The following CSMD1 variants were observed in gnomAD, a reference collection of about 807,000 sequenced individuals.
The protein encoded by CSMD1 is CUB and sushi domain-containing protein 1.
In CSMD1, 213 loss-of-function variants were observed where a neutral mutation model predicts 417.5. That is an observed-to-expected ratio of 0.51 (90% CI 0.46 to 0.57). The LOEUF is 0.57. Among genes scored for constraint, CSMD1 ranks in the 20% least tolerant of loss-of-function variants. The pLI is 0.00. For missense variants in CSMD1, 6,923 were observed against 4,529.7 expected (o/e 1.53, Z -15.17); for synonymous variants, 2,862 against 1,736.8 (o/e 1.65, Z -16.11).
intron 3 of CSMD1, among the ~76,000 whole-genome samples, chr8:4,165,641 G>C (rs776471255): frequency 7.2e-5 from 11 of 152,142 alleles, no homozygotes; most frequent in Non-Finnish European, 1.5e-4. Context: ...TGACACAAGG[G>C]ATCATTGAAC....
At chr8:3,889,492 TAAAATATGCTCATTAGGTCATG>T (rs1563181337) in intron 5 of CSMD1, among the ~76,000 whole-genome samples, 202 of 62,704 alleles carry the variant, frequency 3.2e-3, no homozygotes, top group South Asian at 4.4e-3. Context: ...TATATATATA[TAAAATATGCTCATTAGGTCATG>T]ATATATACAT....
At chr8:4,498,010 C>G (rs1188149852) in intron 2 of CSMD1, among the ~76,000 whole-genome samples, 1 of 152,104 alleles carries the variant, frequency 6.6e-6, no homozygotes, top group Non-Finnish European at 1.5e-5. Context: ...CAGTAAACGT[C>G]CCGCAGCCCC....
At chr8:3,825,152 T>A (rs1801980327) in intron 5 of CSMD1, among the ~76,000 whole-genome samples, 1 of 152,130 alleles carries the variant, frequency 6.6e-6, no homozygotes, top group African/African-American at 2.4e-5. Flanking sequence ...TTTCTCATTC[T>A]CTTTCCCAGA....
chr8:4,567,568 A>G (rs867081725), intron 2 of CSMD1, among the ~76,000 whole-genome samples: 3 of 152,204 alleles, frequency 2.0e-5, no homozygotes, highest in Non-Finnish European at 4.4e-5. Context: ...TGTCTGAATT[A>G]GTCACAAAAT....
At chr8:4,439,058 G>T (rs1018141865) in intron 2 of CSMD1, among the ~76,000 whole-genome samples, 1 of 152,084 alleles carries the variant, frequency 6.6e-6, no homozygotes, top group Non-Finnish European at 1.5e-5. Flanking sequence ...AGCTGATATA[G>T]GTCTTATTGG....
At chr8:4,260,718 C>A (rs1318386422) in intron 3 of CSMD1, among the ~76,000 whole-genome samples, 1 of 152,040 alleles carries the variant, frequency 6.6e-6, no homozygotes, top group East Asian at 1.9e-4. Flanking sequence ...TTATTAATAT[C>A]TTCTTATAAT....
At chr8:3,327,040 A>T (rs1286279567) in intron 23 of CSMD1, among the ~76,000 whole-genome samples, 1 of 152,188 alleles carries the variant, frequency 6.6e-6, no homozygotes, top group Non-Finnish European at 1.5e-5. Context: ...AAGACAAAAA[A>T]TAAAAACAAG....
intron 32 of CSMD1, among the ~76,000 whole-genome samples, chr8:3,200,788 A>C (rs184814142): frequency 1.6e-3 from 238 of 152,208 alleles, no homozygotes; most frequent in Non-Finnish European, 2.1e-3. Flanking sequence ...AGGTCTTAAG[A>C]CTTTTAGTTA....
At chr8:3,681,216 G>A (rs1293395647) in intron 7 of CSMD1, among the ~76,000 whole-genome samples, 2 of 152,096 alleles carry the variant, frequency 1.3e-5, no homozygotes. Flanking sequence ...AGGAAATAAA[G>A]GATATTCAAT....
chr8:4,857,421 C>G (rs926258479), intron 1 of CSMD1, among the ~76,000 whole-genome samples: 3 of 151,990 alleles, frequency 2.0e-5, no homozygotes, highest in Non-Finnish European at 4.4e-5. Flanking sequence ...AAAATCAGAA[C>G]AGAACTGAAG....
intron 8 of CSMD1, among the ~76,000 whole-genome samples, chr8:3,588,564 G>A (rs181392681): frequency 6.6e-6 from 1 of 152,124 alleles, no homozygotes; most frequent in Non-Finnish European, 1.5e-5. Flanking sequence ...TAGTCATGGA[G>A]GGCTCTCTGC....
intron 5 of CSMD1, among the ~76,000 whole-genome samples, chr8:3,928,289 A>G (rs1427130752): frequency 6.6e-6 from 1 of 152,216 alleles, no homozygotes; most frequent in East Asian, 1.9e-4. Context: ...TGTTACATTG[A>G]TTATTCAACT....
intron 1 of CSMD1, among the ~76,000 whole-genome samples, chr8:4,757,785 C>T (rs557593092): frequency 2.0e-5 from 3 of 151,818 alleles, no homozygotes; most frequent in South Asian, 2.1e-4. Context: ...ATGGTGAAAC[C>T]CTGTTTCTAC....
chr8:2,939,116 A>G (rs1801691467), intron 69 of CSMD1, among the ~76,000 whole-genome samples: 1 of 152,188 alleles, frequency 6.6e-6, no homozygotes, highest in African/African-American at 2.4e-5. Flanking sequence ...AGATTTACTT[A>G]TGCTTCCTAC....
intron 8 of CSMD1, 132 bp downstream of exon 8, chr8:3,616,578 A>C (rs1314819584): frequency 3.2e-6 from 2 of 618,208 alleles, no homozygotes; most frequent in Non-Finnish European, 5.6e-6. Context: ...GTGATTACAC[A>C]CATTTAGAGT....
chr8:3,592,909 A>T lies in CSMD1; in HGVS notation c.1098-6649T>A, dbSNP rs116932667. On this transcript the variant is annotated intron_variant, in intron 8 of 69. Coordinates refer to ENST00000635120, the MANE Select transcript of CSMD1 (RefSeq NM_033225.6). Reference sequence around the variant, plus strand: ...CTTCTCCACTATAAGAAATAAAGTCAAAGCCCACAGTGTGGAATCGATGAG... The same window carrying T: ...CTTCTCCACTATAAGAAATAAAGTCTAAGCCCACAGTGTGGAATCGATGAG... Among the ~76,000 whole-genome samples the T allele has an allele frequency of 7.6e-3, 1,154 of 152,162 alleles. 9 individuals carry two copies. The highest frequency in any genetic ancestry group is 0.054 in the Middle Eastern group (16 of 294).
At chr8:3,353,410 C>G (rs980139192) in intron 21 of CSMD1, among the ~76,000 whole-genome samples, 4 of 152,206 alleles carry the variant, frequency 2.6e-5, no homozygotes, top group Non-Finnish European at 5.9e-5. Flanking sequence ...CACCAAATAG[C>G]TCGCATATCA....
chr8:4,766,755 G>T (rs1266561023), intron 1 of CSMD1, among the ~76,000 whole-genome samples: 1 of 152,274 alleles, frequency 6.6e-6, no homozygotes. Context: ...CTTCACGCCT[G>T]ATTTATGAAG....
chr8:4,444,468 G>C (rs375468557), intron 2 of CSMD1, among the ~76,000 whole-genome samples: 2 of 149,796 alleles, frequency 1.3e-5, no homozygotes, highest in East Asian at 2.0e-4. Flanking sequence ...ACCTGAGGAA[G>C]ACATAAGCAG....
Sources: allele counts gnomAD v4.1 joint callset (sites outside exome capture counted in the v4.1 genomes callset), GRCh38; gene constraint gnomAD v4.1.1; transcripts MANE v1.5; gene names NCBI Gene and HGNC (gene_info 2026-07-23, HGNC 2026-07-21).